PIGK: variants seen among roughly 807,000 people sequenced by gnomAD.
The protein encoded by PIGK is GPI-anchor transamidase.
Under a neutral mutation model 50.6 loss-of-function variants are expected in PIGK, and 42 were observed. That is an observed-to-expected ratio of 0.83 (90% confidence interval 0.65 to 1.07). PIGK has a LOEUF of 1.07. PIGK is among the 50% of genes least tolerant of loss of function. PIGK has a pLI of 0.00. For missense variants in PIGK, 448 were observed against 488.7 expected (o/e 0.92, Z 0.78); for synonymous variants, 151 against 156.0 (o/e 0.97, Z 0.24).
At chr1:77,201,516 T>A (rs1431219658) in intron 3 of PIGK, among the ~76,000 whole-genome samples, 1 of 152,176 alleles carries the variant, frequency 6.6e-6, no homozygotes, top group South Asian at 2.1e-4. Flanking sequence ...TCCCAGTAGT[T>A]TGAGAGGCCA....
At chr1:77,191,360 T>C (rs892829862) in intron 3 of PIGK, among the ~76,000 whole-genome samples, 5 of 152,208 alleles carry the variant, frequency 3.3e-5, no homozygotes, top group African/African-American at 4.8e-5. Flanking sequence ...AATTTTACTT[T>C]TGTTATTTTT....
chr1:77,197,424 C>T (rs1181162296), intron 3 of PIGK, among the ~76,000 whole-genome samples: 5 of 152,150 alleles, frequency 3.3e-5, no homozygotes, highest in African/African-American at 4.8e-5. Flanking sequence ...ATAGGTAGAA[C>T]TTCAGGTGAC....
chr1:77,171,875 C>T (rs1655371514), intron 3 of PIGK, among the ~76,000 whole-genome samples: 2 of 151,994 alleles, frequency 1.3e-5, no homozygotes, highest in Non-Finnish European at 2.9e-5. Context: ...CATATAAATG[C>T]AAACAAACTA....
intron 10 of PIGK, among the ~76,000 whole-genome samples, chr1:77,118,971 C>A (rs1348292233): frequency 6.6e-6 from 1 of 152,188 alleles, no homozygotes; most frequent in Non-Finnish European, 1.5e-5. Context: ...ATAAATATTT[C>A]TTATCATGAA....
intron 3 of PIGK, among the ~76,000 whole-genome samples, chr1:77,194,129 T>C (rs558098791): frequency 9.3e-4 from 141 of 152,262 alleles, no homozygotes; most frequent in African/African-American, 3.2e-3. Context: ...AAAACCACAG[T>C]AAGATACCAT....
chr1:77,132,972 T>A (rs1654412169), intron 9 of PIGK, among the ~76,000 whole-genome samples: 1 of 152,136 alleles, frequency 6.6e-6, no homozygotes, highest in African/African-American at 2.4e-5. Context: ...TTCAGCATTT[T>A]GACTATGATG....
intron 1 of PIGK, among the ~76,000 whole-genome samples, chr1:77,211,136 T>C (rs1468874615): frequency 1.3e-5 from 2 of 152,020 alleles, no homozygotes; most frequent in East Asian, 3.8e-4. Context: ...AACTTATTTA[T>C]TATGTGTATT....
At chr1:77,114,489 TC>T (rs1195670994) in intron 10 of PIGK, among the ~76,000 whole-genome samples, 1 of 152,172 alleles carries the variant, frequency 6.6e-6, no homozygotes, top group Non-Finnish European at 1.5e-5. Context: ...GGTATCTGTT[TC>T]TGCTTGGGAA....
chr1:77,210,526 A>C (rs748983258), intron 1 of PIGK, 37 bp from the exon 2 acceptor site: 36 of 1,345,226 alleles, frequency 2.7e-5, no homozygotes, highest in Non-Finnish European at 3.8e-5. Context: ...AAAAGGCACA[A>C]TTTCTCAGAA....
At chr1:77,196,267 G>T (rs1656034201) in intron 3 of PIGK, among the ~76,000 whole-genome samples, 1 of 150,888 alleles carries the variant, frequency 6.6e-6, no homozygotes, top group South Asian at 2.1e-4. Context: ...CTTTGCTATT[G>T]TAAACAGTGC....
chr1:77,124,632 C>A (rs1437616027), intron 9 of PIGK, among the ~76,000 whole-genome samples: 34 of 146,926 alleles, frequency 2.3e-4, no homozygotes, highest in African/African-American at 7.7e-4. Context: ...AAAAAAAAAA[C>A]ACACACACGC....
At chr1:77,206,305 T>C (rs908285628) in intron 3 of PIGK, among the ~76,000 whole-genome samples, 3 of 152,152 alleles carry the variant, frequency 2.0e-5, no homozygotes, top group African/African-American at 7.2e-5. Context: ...TTTCAATAAA[T>C]CCCTTTTCCA....
At chr1:77,199,943 G>A (rs1656123085) in intron 3 of PIGK, among the ~76,000 whole-genome samples, 1 of 151,884 alleles carries the variant, frequency 6.6e-6, no homozygotes, top group African/African-American at 2.4e-5. Flanking sequence ...TTAAATTCTA[G>A]GTGTGCTAAA....
intron 9 of PIGK, among the ~76,000 whole-genome samples, chr1:77,135,760 G>T (rs1570211596): frequency 1.4e-5 from 2 of 148,130 alleles, no homozygotes. Flanking sequence ...ACTGTCTAAA[G>T]CTATTAAAAT....
chr1:77,150,737 G>T (rs1365246301), intron 9 of PIGK, among the ~76,000 whole-genome samples: 2 of 152,020 alleles, frequency 1.3e-5, no homozygotes, highest in Non-Finnish European at 2.9e-5. Context: ...GAAAAAACTG[G>T]AAAATCTAGA....
At chr1:77,107,004 G>A (rs4949648) in intron 10 of PIGK, among the ~76,000 whole-genome samples, 25,978 of 151,844 alleles carry the variant, frequency 0.17, 2,390 homozygotes, top group East Asian at 0.36. Context: ...TCTTGCTAGA[G>A]GTCTATCAAT....
At chr1:77,124,379 C>A (rs1376796974) in intron 9 of PIGK, among the ~76,000 whole-genome samples, 1 of 152,076 alleles carries the variant, frequency 6.6e-6, no homozygotes, top group Admixed American at 6.5e-5. Context: ...GAGGCCGAGG[C>A]GGGTGCATCT....
chr1:77,137,617 A>G (rs577479803), intron 9 of PIGK, among the ~76,000 whole-genome samples: 16 of 149,632 alleles, frequency 1.1e-4, no homozygotes, highest in Middle Eastern at 3.5e-3. Context: ...TTTTATTTTG[A>G]GACAGAGTCT....
chr1:77,168,344 A>G (rs1392858968), intron 4 of PIGK, among the ~76,000 whole-genome samples: 1 of 152,186 alleles, frequency 6.6e-6, no homozygotes. Context: ...ATGTATACAC[A>G]TTTGTGCGTG....
Sources: gnomAD v4.1 joint callset for allele counts (sites outside exome capture counted in the v4.1 genomes callset) on GRCh38, gnomAD v4.1.1 for gene constraint, MANE v1.5 for transcripts, NCBI Gene and HGNC (gene_info 2026-07-23, HGNC 2026-07-21) for gene names.